Variants in CENPA observed in about 807,000 individuals in gnomAD.
The protein encoded by CENPA is centromere protein A.
A neutral mutation model predicts 17.2 loss-of-function variants in CENPA; 7 were observed. That is an observed-to-expected ratio of 0.41 (90% CI 0.23 to 0.76). The LOEUF (loss-of-function observed/expected upper bound fraction) is 0.76, where lower values mean the gene tolerates loss of function less well. Among genes scored for constraint, CENPA ranks in the 30% least tolerant of loss-of-function variants. CENPA has a pLI of 0.34. For missense variants in CENPA, 149 were observed against 193.1 expected, an observed-to-expected ratio of 0.77 and a Z score of 1.35; for synonymous variants, 82 against 77.4, an observed-to-expected ratio of 1.06 and a Z score of -0.31.
chr2:26,787,790 C>G (rs1664540063), intron 1 of CENPA, among the ~76,000 whole-genome samples: 1 of 152,164 alleles, frequency 6.6e-6, no homozygotes, highest in South Asian at 2.1e-4. Flanking sequence ...TCCCAAAACA[C>G]GAGGATTTAA....
rs376469103 is a variant in CENPA, at chr2:26,794,535, T to A, written c.*771T>A. ...AGTACATTTTCGATGCTTTTATGGGTATTTTTGTAGTTTCTTTGTAGAGAG... is the reference window on the plus strand; with the variant it reads ...AGTACATTTTCGATGCTTTTATGGGAATTTTTGTAGTTTCTTTGTAGAGAG... On this transcript the variant is annotated 3_prime_UTR_variant, in exon 5 of 5. Transcript: ENST00000335756. The A allele has an allele frequency of 6.6e-6, 1 of 152,266 alleles. No individual in the cohort carries two copies. Among genetic ancestry groups the A allele is most frequent in the African/African-American group, 2.4e-5 (1 of 41,474 alleles). 9.4% of individuals were successfully genotyped at this position (152,266 alleles called of 1,614,324 possible).
intron 1 of CENPA, among the ~76,000 whole-genome samples, chr2:26,787,045 A>T (rs1664520268): frequency 6.6e-6 from 1 of 152,258 alleles, no homozygotes; most frequent in African/African-American, 2.4e-5. Context: ...GCTATGAGGA[A>T]GATGGGAAGT....
intron 1 of CENPA, among the ~76,000 whole-genome samples, chr2:26,789,917 C>A (rs1214773192): frequency 6.6e-6 from 1 of 152,200 alleles, no homozygotes; most frequent in African/African-American, 2.4e-5. Context: ...GCTGGAATGA[C>A]CTTCCACATC....
intron 2 of CENPA, 171 bp downstream of exon 2, chr2:26,792,411 C>A: frequency 1.4e-6 from 1 of 699,046 alleles, no homozygotes; most frequent in South Asian, 1.6e-5. Flanking sequence ...CCTTGTAATT[C>A]TTTATGGAAT....
intron 3 of CENPA, 117 bp downstream of exon 3, chr2:26,792,950 A>G (rs1370093820): frequency 1.3e-5 from 16 of 1,248,584 alleles, no homozygotes; most frequent in Non-Finnish European, 1.7e-5. Context: ...GAAAAGAACA[A>G]TGAGGTAACC....
Position 26,793,127 on chromosome 2 carries a change from TTC to T in CENPA, c.289-14_289-13del, listed in dbSNP as rs1186907870. ...TGGCCCTTCATCTGTGTCCGTCTTT[TTC>T]TCTTTCTGTCTCCAGGCAGCAGAAG... On this transcript the variant is annotated splice_polypyrimidine_tract_variant and intron_variant, in intron 3 of 4. Transcript: ENST00000335756. 1.9e-6 allele frequency: 3 copies of T among 1,613,592 alleles called. No individual in the cohort carries two copies. In the East Asian group the frequency reaches 6.7e-5, roughly 36 times the overall value.
chr2:26,790,902 G>A (rs1664604010), intron 1 of CENPA, among the ~76,000 whole-genome samples: 1 of 152,220 alleles, frequency 6.6e-6, no homozygotes, highest in South Asian at 2.1e-4. Context: ...TTAGTTTATT[G>A]TATTAAATGC....
chr2:26,794,153 A>G lies in CENPA; in HGVS notation c.*389A>G, dbSNP rs940123570. 6.6e-6 allele frequency: 1 copy of G among 152,254 alleles called. No homozygotes were observed. Among genetic ancestry groups the G allele is most frequent in the East Asian group, 1.9e-4 (1 of 5,204 alleles). The allele number at this position is 152,254 out of a possible 1,614,324, so 9.4% of individuals were successfully genotyped here. On this transcript the variant is annotated 3_prime_UTR_variant, in exon 5 of 5. Coordinates refer to ENST00000335756, the MANE Select transcript of CENPA (RefSeq NM_001809.4). ...TTATTATTTTAGCTCTTTCTGTAAT[A>G]TTTACATTTTTTACCATATGTACAT...
chr2:26,790,044 G>T (rs1252934498), intron 1 of CENPA, among the ~76,000 whole-genome samples: 1 of 152,160 alleles, frequency 6.6e-6, no homozygotes, highest in Admixed American at 6.5e-5. Context: ...TCTTTTCCAT[G>T]ATCTCTCTAA....
At chr2:26,791,207 G>A (rs751862840) in intron 1 of CENPA, among the ~76,000 whole-genome samples, 5 of 152,056 alleles carry the variant, frequency 3.3e-5, no homozygotes, top group Non-Finnish European at 7.4e-5. Context: ...TAGTGTTCTT[G>A]TTTTCTAATA....
At chr2:26,791,310 C>T (rs2117274) in intron 1 of CENPA, among the ~76,000 whole-genome samples, 42,215 of 152,072 alleles carry the variant, frequency 0.28, 6,451 homozygotes, top group Non-Finnish European at 0.34. Flanking sequence ...TATTCATTTC[C>T]AAATAGTCTA....
At chr2:26,792,266 C>G (rs762692797) in intron 2 of CENPA, 26 bp downstream of exon 2, 29 of 1,560,250 alleles carry the variant, frequency 1.9e-5, no homozygotes, top group Admixed American at 1.6e-4. Context: ...TTCCCACCAA[C>G]CCCTATGCCA....
chr2:26,791,245 T>C (rs565035089), intron 1 of CENPA, among the ~76,000 whole-genome samples: 34 of 152,368 alleles, frequency 2.2e-4, no homozygotes, highest in African/African-American at 7.9e-4. Flanking sequence ...TGCATTTTCC[T>C]CTAGTACTAT....
intron 1 of CENPA, among the ~76,000 whole-genome samples, chr2:26,788,835 C>T (rs940044933): frequency 1.3e-5 from 2 of 152,102 alleles, no homozygotes; most frequent in African/African-American, 4.8e-5. Context: ...ACCACCGCAT[C>T]CGGCTAATTT....
At chr2:26,791,596 C>G (rs1192926554) in intron 1 of CENPA, among the ~76,000 whole-genome samples, 6 of 152,230 alleles carry the variant, frequency 3.9e-5, no homozygotes, top group Non-Finnish European at 5.9e-5. Flanking sequence ...CCATCTTCAC[C>G]TCGCTGGGCC....
chr2:26,789,702 C>A (rs1664580945), intron 1 of CENPA, among the ~76,000 whole-genome samples: 1 of 152,118 alleles, frequency 6.6e-6, no homozygotes, highest in South Asian at 2.1e-4. Flanking sequence ...AAACCACAAG[C>A]CTGGGAGACC....
At chr2:26,792,275 C>CA in intron 2 of CENPA, 35 bp downstream of exon 2, 3 of 1,532,208 alleles carry the variant, frequency 2.0e-6, no homozygotes, top group Non-Finnish European at 2.7e-6. Flanking sequence ...ACCCCTATGC[C>CA]ACCCTCCTTT....
chr2:26,793,223 CCAAAGGATGTG>C lies in CENPA; in HGVS notation c.371_381del (p.Lys124ThrfsTer9). The C allele has an allele frequency of 1.2e-6, 2 of 1,614,172 alleles. No homozygotes were observed. The highest frequency in any genetic ancestry group is 1.7e-6 in the Non-Finnish European group (2 of 1,180,038). The stretch of plus-strand genomic sequence containing the variant: ...ACATGCAGGCCGAGTTACTCTCTTC[CCAAAGGATGTG>C]CAACTGGCCCGGAGGATCCGGGGCC... On this transcript the variant is annotated frameshift_variant, in exon 4 of 5. Transcript: ENST00000335756. LOFTEE classifies it high-confidence loss of function.
intron 1 of CENPA, among the ~76,000 whole-genome samples, chr2:26,788,894 C>G (rs1664565548): frequency 6.6e-6 from 1 of 152,134 alleles, no homozygotes; most frequent in Non-Finnish European, 1.5e-5. Context: ...AGGCTGGTCT[C>G]CAACTGCCAA....
Sources: allele counts gnomAD v4.1 joint callset (sites outside exome capture counted in the v4.1 genomes callset), GRCh38; gene constraint gnomAD v4.1.1; transcripts MANE v1.5; gene names NCBI Gene and HGNC (gene_info 2026-07-23, HGNC 2026-07-21).